Variants in ODF2L observed in about 807,000 individuals in gnomAD.
The protein encoded by ODF2L is protein BCAP.
In ODF2L, 76 loss-of-function variants were observed where a neutral mutation model predicts 86.3. That is an observed-to-expected ratio of 0.88 (90% confidence interval 0.73 to 1.07). The LOEUF (loss-of-function observed/expected upper bound fraction) is 1.07. ODF2L is among the 50% of genes least tolerant of loss of function. ODF2L has a pLI of 0.00. For missense variants in ODF2L, 748 were observed against 717.4 expected (o/e 1.04, Z -0.49); for synonymous variants, 241 against 231.3 (o/e 1.04, Z -0.38).
downstream of ODF2L, chr1:86,347,482 T>A (rs1557989864): frequency 6.6e-6 from 1 of 152,172 alleles, no homozygotes; most frequent in Non-Finnish European, 1.5e-5. Flanking sequence ...ACTAATCTTG[T>A]TAGCAATTGT....
At position 86,386,862 on chromosome 1, in the gene ODF2L, C is replaced by T. The variant is rs777419877; in HGVS notation, c.113+53G>A. The T allele has an allele frequency of 2.7e-5, 24 of 872,790 alleles. No homozygotes were observed. In the South Asian group the frequency reaches 3.4e-4, roughly 12 times the overall value. The allele number at this position is 872,790 out of a possible 1,614,324, so 54.1% of individuals were successfully genotyped here. A position where few individuals can be genotyped will look rare whatever the true frequency, so the allele number is the denominator to read the frequency against. On this transcript the variant is annotated intron_variant, in intron 2 of 17. Coordinates refer to ENST00000317336, the Ensembl canonical transcript of ODF2L. Reference sequence around the variant, plus strand: ...CAAATAATTTATATTATAGACAAAACAGGAAATCCTAGAATCGGAAATTTA... The same window carrying T: ...CAAATAATTTATATTATAGACAAAATAGGAAATCCTAGAATCGGAAATTTA...
At chr1:86,366,290 A>G (rs272502) in intron 11 of ODF2L, among the ~76,000 whole-genome samples, 104,868 of 151,398 alleles carry the variant, frequency 0.69, 36,706 homozygotes, top group East Asian at 0.83. Context: ...ACAGTGGCTC[A>G]CACCTGTAAT....
intron 1 of ODF2L, among the ~76,000 whole-genome samples, chr1:86,393,603 G>GTGAC (rs1661489905): frequency 6.6e-6 from 1 of 152,222 alleles, no homozygotes; most frequent in South Asian, 2.1e-4. Flanking sequence ...GACAGCAAGA[G>GTGAC]TGACTGTTCT....
At chr1:86,376,367 T>A in exon 8 of ODF2L, 1 of 1,609,006 alleles carries the variant, frequency 6.2e-7, no homozygotes, top group Non-Finnish European at 8.5e-7. Flanking sequence ...ATAGCCTCAT[T>A]CTTATTCATT....
chr1:86,347,863 G>A (rs1209513400), downstream of ODF2L: 1 of 152,096 alleles, frequency 6.6e-6, no homozygotes, highest in Non-Finnish European at 1.5e-5. Flanking sequence ...ACACACAGTG[G>A]GAGATTATAG....
chr1:86,384,052 A>G (rs1459170860), intron 4 of ODF2L, among the ~76,000 whole-genome samples: 1 of 151,826 alleles, frequency 6.6e-6, no homozygotes, highest in Non-Finnish European at 1.5e-5. Context: ...GATCAAGAGA[A>G]TATTTCTCTG....
chr1:86,359,519 CTTTTT>C (rs5775904), intron 12 of ODF2L, among the ~76,000 whole-genome samples: 1 of 95,114 alleles, frequency 1.1e-5, no homozygotes. Context: ...TTAGTTCATT[CTTTTT>C]TTTTTTTTTT....
At chr1:86,378,327 A>G (rs1660316761) in intron 7 of ODF2L, among the ~76,000 whole-genome samples, 1 of 152,166 alleles carries the variant, frequency 6.6e-6, no homozygotes, top group South Asian at 2.1e-4. Flanking sequence ...GCTCAACACC[A>G]TTCAACAAGC....
intron 1 of ODF2L, among the ~76,000 whole-genome samples, chr1:86,394,002 T>C (rs895684924): frequency 6.6e-6 from 1 of 152,224 alleles, no homozygotes; most frequent in African/African-American, 2.4e-5. Flanking sequence ...AAAGTCACCA[T>C]CCTGTACCAG....
intron 11 of ODF2L, among the ~76,000 whole-genome samples, chr1:86,364,486 C>T (rs1360912407): frequency 6.6e-6 from 1 of 152,140 alleles, no homozygotes; most frequent in African/African-American, 2.4e-5. Flanking sequence ...ATGCAGAAAA[C>T]ATAAAACAAT....
chr1:86,353,354 A>G (rs1459442607), intron 16 of ODF2L, among the ~76,000 whole-genome samples: 2 of 152,192 alleles, frequency 1.3e-5, no homozygotes, highest in African/African-American at 4.8e-5. Flanking sequence ...TTCTTGTTAA[A>G]TACTCATTAT....
At chr1:86,350,205 C>G (rs1187092376) in exon 18 of ODF2L, 1 of 153,536 alleles carries the variant, frequency 6.5e-6, no homozygotes, top group Admixed American at 6.5e-5. Flanking sequence ...TTGCTGCACT[C>G]ATCAACCCGT....
chr1:86,377,711 C>T (rs1381400469), intron 7 of ODF2L, among the ~76,000 whole-genome samples: 2 of 152,208 alleles, frequency 1.3e-5, no homozygotes, highest in Non-Finnish European at 2.9e-5. Context: ...CTGAGCTATG[C>T]ATTGGCCCCT....
In ODF2L at chr1:86,387,032, T is replaced by C; in HGVS notation, c.-5A>G. On this transcript the variant is annotated 5_prime_UTR_variant, in exon 2 of 18. The change abolishes the stop of an existing upstream ORF in the 5' untranslated region. Transcript: ENST00000317336. Reference sequence around the variant, plus strand: ...ATCATTTACAGCCTTCTCCATAAATTCAGTAAATGGATTTATAGGTGGCTT... The same window carrying C: ...ATCATTTACAGCCTTCTCCATAAATCCAGTAAATGGATTTATAGGTGGCTT... 6.9e-7 allele frequency: 1 copy of C among 1,455,114 alleles called. No individual in the cohort carries two copies. Among genetic ancestry groups the C allele is most frequent in the South Asian group, 1.2e-5 (1 of 80,660 alleles). 90.1% of individuals were successfully genotyped at this position (1,455,114 alleles called of 1,614,324 possible).
chr1:86,372,426 C>G lies in ODF2L; in HGVS notation c.920+5G>C, dbSNP rs1217211830. On this transcript the variant is annotated splice_donor_5th_base_variant and intron_variant, in intron 9 of 17. Coordinates refer to ENST00000317336, the Ensembl canonical transcript of ODF2L. ...AATAATAAAATATTCTAAATTTTTT[C>G]TTACTTTTTCATTGTTTCAATCTGT... The G allele has an allele frequency of 7.9e-7, 1 of 1,258,492 alleles. No individual in the cohort carries two copies. Among genetic ancestry groups the G allele is most frequent in the Non-Finnish European group, 1.1e-6 (1 of 938,380 alleles). 78.0% of individuals were successfully genotyped at this position (1,258,492 alleles called of 1,614,324 possible).
chr1:86,358,167 A>G (rs1658737341), intron 13 of ODF2L: 1 of 732,946 alleles, frequency 1.4e-6, no homozygotes. Context: ...GCGACCACTA[A>G]CATCGCATGA....
At chr1:86,380,138 AT>A (rs1228335003) in intron 7 of ODF2L, among the ~76,000 whole-genome samples, 1 of 152,150 alleles carries the variant, frequency 6.6e-6, no homozygotes, top group Non-Finnish European at 1.5e-5. Context: ...TTAGAAAGCC[AT>A]TTTAATTTTT....
exon 9 of ODF2L, chr1:86,372,456 C>T: frequency 6.7e-7 from 1 of 1,487,702 alleles, no homozygotes. Flanking sequence ...ATCTGTACTT[C>T]CAATTCGGTT....
Position 86,358,170 on chromosome 1 carries a change from T to C in ODF2L, c.1359+617A>G, listed in dbSNP as rs545350144. On this transcript the variant is annotated intron_variant, in intron 13 of 17. Transcript: ENST00000317336. Reference sequence around the variant, plus strand: ...ATTCAGATGGAAGCGACCACTAACATCGCATGACCTCTGCTGCCAGGAGTC... The same window carrying C: ...ATTCAGATGGAAGCGACCACTAACACCGCATGACCTCTGCTGCCAGGAGTC... 8.9e-5 allele frequency: 64 copies of C among 718,258 alleles called. No individual in the cohort carries two copies. In the Admixed American group the frequency reaches 9.4e-4, roughly 11 times the overall value. The allele number at this position is 718,258 out of a possible 1,614,324, so 44.5% of individuals were successfully genotyped here. A position where few individuals can be genotyped will look rare whatever the true frequency, so the allele number is the denominator to read the frequency against.
Sources: gnomAD v4.1 joint callset for allele counts (sites outside exome capture counted in the v4.1 genomes callset) on GRCh38, gnomAD v4.1.1 for gene constraint, MANE v1.5 for transcripts, NCBI Gene and HGNC (gene_info 2026-07-23, HGNC 2026-07-21) for gene names.